The following DCAF8L2 variants were observed in gnomAD, a reference collection of about 807,000 sequenced individuals.
DCAF8L2 encodes the protein DDB1 and CUL4 associated factor 8 like 2, also known as DDB1- and CUL4-associated factor 8-like protein 2.
For synonymous variants in DCAF8L2, 200 were observed against 190.9 expected (o/e 1.05, Z -0.39); for missense variants, 430 against 490.7 (o/e 0.88, Z 1.17).
intron 1 of DCAF8L2, among the ~76,000 whole-genome samples, chrX:27,618,986 T>TTATCTA (rs1171195758): frequency 7.8e-4 from 78 of 99,780 alleles, no homozygotes; most frequent in Non-Finnish European, 1.4e-3. Context: ...CTTCAGGATA[T>TTATCTA]TATCTATATC....
chrX:27,584,245 T>C, the DCAF8L2 span, among the ~76,000 whole-genome samples: 1,501 of 111,231 alleles, frequency 0.013, 43 homozygotes, highest in African/African-American at 0.047. Flanking sequence ...AACCTTTGAG[T>C]AGCCTACATT....
At chrX:27,497,936 G>A in the DCAF8L2 span, among the ~76,000 whole-genome samples, 1 of 112,036 alleles carries the variant, frequency 8.9e-6, no homozygotes, top group African/African-American at 3.2e-5. Flanking sequence ...TTTGTGACTG[G>A]TTTATTTCAG....
the DCAF8L2 span, among the ~76,000 whole-genome samples, chrX:27,524,026 G>A: frequency 8.9e-6 from 1 of 111,923 alleles, no homozygotes; most frequent in African/African-American, 3.3e-5. Context: ...TTTGGTATCA[G>A]GATGATGCTG....
intron 3 of DCAF8L2, among the ~76,000 whole-genome samples, chrX:27,705,269 A>G (rs971884370): frequency 1.8e-5 from 2 of 111,067 alleles, no homozygotes; most frequent in Admixed American, 9.6e-5. Context: ...AAACATTTCT[A>G]TACAAGTTTT....
chrX:27,547,871 T>TTCTC, the DCAF8L2 span, among the ~76,000 whole-genome samples: 41 of 19,248 alleles, frequency 2.1e-3, 1 homozygote, highest in East Asian at 0.055. Flanking sequence ...CTCTCTCTCT[T>TTCTC]TCTCTCTCTC....
chrX:27,679,160 A>G (rs924099086), intron 3 of DCAF8L2, among the ~76,000 whole-genome samples: 2 of 111,713 alleles, frequency 1.8e-5, no homozygotes, highest in African/African-American at 6.5e-5. Context: ...AAATATTTAT[A>G]GGAGCCAAAG....
intron 2 of DCAF8L2, among the ~76,000 whole-genome samples, chrX:27,671,356 A>T (rs1762868776): frequency 8.9e-6 from 1 of 111,895 alleles, no homozygotes; most frequent in Non-Finnish European, 1.9e-5. Context: ...ACTGCTATAT[A>T]CTTCTCATTT....
upstream of DCAF8L2, among the ~76,000 whole-genome samples, chrX:27,588,214 A>G (rs749090378): frequency 1.8e-5 from 2 of 108,175 alleles, no homozygotes; most frequent in African/African-American, 6.8e-5. Context: ...CTAGTACTCA[A>G]TGTTTAGCTC....
chrX:27,726,047 G>A (rs1039538132), intron 4 of DCAF8L2, among the ~76,000 whole-genome samples: 4 of 111,258 alleles, frequency 3.6e-5, no homozygotes, highest in African/African-American at 1.3e-4. Flanking sequence ...TCTTGCTTGC[G>A]TACCCTACTT....
chrX:27,519,629 G>A, the DCAF8L2 span: 1 of 631,781 alleles, frequency 1.6e-6, no homozygotes, highest in Non-Finnish European at 2.7e-6. Context: ...GCTGAGGCTA[G>A]TGCTGAATTA....
intron 2 of DCAF8L2, among the ~76,000 whole-genome samples, chrX:27,658,700 G>A (rs1929443146): frequency 9.0e-6 from 1 of 111,568 alleles, no homozygotes; most frequent in Non-Finnish European, 1.9e-5. Context: ...TATTTTTAAG[G>A]AATGCAGTAT....
chrX:27,731,332 C>T lies in DCAF8L2; in HGVS notation c.-59+15161C>T, dbSNP rs1010866176. Among the ~76,000 whole-genome samples the T allele has an allele frequency of 6.7e-4, 74 of 111,025 alleles. 1 individual carries two copies. Among genetic ancestry groups the T allele is most frequent in the African/African-American group, 2.3e-3 (69 of 30,519 alleles). On this transcript the variant is annotated intron_variant, in intron 4 of 4. Transcript: ENST00000451261. ...TGGCTGAGGCACGAACCTGGAGACG[C>T]GGAGGTTGCAGTGAGCCGAGATTGC...
chrX:27,552,770 G>C, the DCAF8L2 span, among the ~76,000 whole-genome samples: 4 of 111,670 alleles, frequency 3.6e-5, no homozygotes, highest in African/African-American at 1.3e-4. Flanking sequence ...GATTGCTTTG[G>C]CTATTCAAGG....
At chrX:27,722,310 G>A (rs1003264593) in intron 4 of DCAF8L2, among the ~76,000 whole-genome samples, 2 of 111,378 alleles carry the variant, frequency 1.8e-5, no homozygotes, top group African/African-American at 3.2e-5. Context: ...ATGTGGTTAC[G>A]TTCTGATAAG....
intron 1 of DCAF8L2, among the ~76,000 whole-genome samples, chrX:27,606,108 G>A (rs1926855563): frequency 9.7e-6 from 1 of 103,483 alleles, no homozygotes; most frequent in Non-Finnish European, 2.0e-5. Context: ...AGCCACGGAA[G>A]TACTGATTGT....
intron 3 of DCAF8L2, among the ~76,000 whole-genome samples, chrX:27,696,299 AAAG>A (rs1288234253): frequency 1.1e-5 from 1 of 87,458 alleles, no homozygotes; most frequent in Non-Finnish European, 2.2e-5. Flanking sequence ...AGAAAGAAAG[AAAG>A]AAAGAAAGAA....
chrX:27,708,059 T>G (rs945771165), intron 3 of DCAF8L2, among the ~76,000 whole-genome samples: 6 of 111,457 alleles, frequency 5.4e-5, no homozygotes, highest in Non-Finnish European at 1.1e-4. Context: ...GTTTTTTACC[T>G]GGATATATTG....
chrX:27,625,188 C>T (rs763230071), intron 1 of DCAF8L2, among the ~76,000 whole-genome samples: 6 of 111,759 alleles, frequency 5.4e-5, no homozygotes, highest in Non-Finnish European at 9.4e-5. Context: ...GGGCAAATGA[C>T]ATGAACAGAT....
In DCAF8L2 at chrX:27,746,885, C is replaced by T. The variant is rs1365208172; in HGVS notation, c.-11C>T. 8.4e-7 allele frequency: 1 copy of T among 1,184,962 alleles called. No homozygotes were observed. Among genetic ancestry groups the T allele is most frequent in the African/African-American group, 1.8e-5 (1 of 56,193 alleles). On this transcript the variant is annotated 5_prime_UTR_variant, in exon 5 of 5. Transcript: ENST00000451261. ...GCAGTTCCAGATCTACTACAGCAAA[C>T]ATCGTTCAAGATGTCCCACCAAGAA...
Sources: gnomAD v4.1 joint callset for allele counts (sites outside exome capture counted in the v4.1 genomes callset) on GRCh38, gnomAD v4.1.1 for gene constraint, MANE v1.5 for transcripts, NCBI Gene and HGNC (gene_info 2026-07-23, HGNC 2026-07-21) for gene names.